Variants in CMYA5 observed in about 807,000 individuals in gnomAD.
CMYA5 encodes the protein cardiomyopathy-associated protein 5.
Under a neutral mutation model 318.9 loss-of-function variants are expected in CMYA5, and 246 were observed. That is an observed-to-expected ratio of 0.77 (90% CI 0.70 to 0.86). The LOEUF is 0.86. Among genes scored for constraint, CMYA5 ranks in the 40% least tolerant of loss-of-function variants. The pLI is 0.00. For synonymous variants in CMYA5, 1,641 were observed against 1,729.5 expected (o/e 0.95, Z 1.27); for missense variants, 4,589 against 4,678.2 (o/e 0.98, Z 0.56).
At chr5:79,747,026 C>G in intron 4 of CMYA5, 65 bp from the exon 5 acceptor site, 2 of 946,632 alleles carry the variant, frequency 2.1e-6, no homozygotes, top group Non-Finnish European at 3.2e-6. Context: ...TAATTAGCTT[C>G]TCTCTCTCTT....
rs1309277764 is a variant in CMYA5 at position 79,733,385 on chromosome 5, A to G, written c.4620A>G (p.Lys1540=). ...PLSLWGEIKK[K]ETELPSSQNV... is the part of the protein sequence containing the mutation. ...GCCTATGGGGTGAGATAAAGAAGAAAGAAACTGAACTTCCTTCATCACAAA... is the reference window on the plus strand; with the variant it reads ...GCCTATGGGGTGAGATAAAGAAGAAGGAAACTGAACTTCCTTCATCACAAA... Residue 1540 remains lysine (K), a synonymous_variant, in exon 2 of 13, where the codon AAA becomes AAG. Transcript: ENST00000446378. The G allele has an allele frequency of 6.2e-7, 1 of 1,613,570 alleles. No individual in the cohort carries two copies. Among genetic ancestry groups the G allele is most frequent in the South Asian group, 1.1e-5 (1 of 91,082 alleles).
At chr5:79,722,177 A>G (rs1274267598) in intron 1 of CMYA5, among the ~76,000 whole-genome samples, 2 of 152,260 alleles carry the variant, frequency 1.3e-5, no homozygotes, top group African/African-American at 4.8e-5. Flanking sequence ...ATCCTCATGT[A>G]TTTTGAAATT....
In CMYA5 at chr5:79,799,449, T is replaced by C; in HGVS notation, c.12043T>C (p.Tyr4015His). The change falls in exon 13 of 13, where the codon TAC becomes CAC. Residue 4015 changes from tyrosine (Y) to histidine (H), a missense_variant. Tyr to His is a moderately conservative substitution (Grantham distance 83, BLOSUM62 2). This residue lies in a region of CMYA5 where 2,431 missense variants were observed against 2,495.1 expected (regional missense o/e 0.97). Coordinates refer to ENST00000446378, the MANE Select transcript of CMYA5 (RefSeq NM_153610.5). ...AGCCAGAGTGGGCATCCTGCTGGAC[T>C]ACAACAACCAGAGACTTATCTTCAT... ...RPARVGILLD[Y>H]NNQRLIFINA... 6.2e-7 allele frequency: 1 copy of C among 1,614,014 alleles called. No individual in the cohort carries two copies. The highest frequency in any genetic ancestry group is 8.5e-7 in the Non-Finnish European group (1 of 1,179,886).
At position 79,752,704 on chromosome 5, in the gene CMYA5, T is replaced by A; in HGVS notation, c.11020T>A (p.Ser3674Thr). The A allele has an allele frequency of 6.2e-7, 1 of 1,613,654 alleles. No homozygotes were observed. The highest frequency in any genetic ancestry group is 8.5e-7 in the Non-Finnish European group (1 of 1,179,634). ...GCTTTCTGCAATGGAGAGCACTGCT[T>A]CTTTAGAGAAAATGCCTGCTGCGTT... ...RLLSAMESTA[S>T]LEKMPAAFSL... The change falls in exon 6 of 13, where the codon TCT becomes ACT. Residue 3674 changes from serine (S) to threonine (T), a missense_variant. By Grantham distance (58) the Ser-to-Thr change is moderately conservative (BLOSUM62 1). Transcript: ENST00000446378.
Position 79,736,632 on chromosome 5 carries a change from G to A in CMYA5, c.7867G>A (p.Glu2623Lys), listed in dbSNP as rs1352543764. The A allele has an allele frequency of 3.1e-6, 5 of 1,613,802 alleles. No homozygotes were observed. The highest frequency in any genetic ancestry group is 4.5e-5 in the East Asian group (2 of 44,878). Residue 2623 changes from glutamate to lysine, a missense_variant, in exon 2 of 13, where the codon GAA becomes AAA. Physicochemically the swap from Glu to Lys is moderately conservative, Grantham distance 56. Transcript: ENST00000446378. ...AGTAGGAACCCAACCACATCCTTTA[G>A]AAGAAAGTAAAGTTTTGGTGGAGAA... ...KAVGTQPHPL[E>K]ESKVLVEKTK...
At position 79,736,881 on chromosome 5, in the gene CMYA5, C is replaced by T. The variant is rs922549310; in HGVS notation, c.8116C>T (p.Gln2706Ter). 6 of 1,612,020 alleles carry T rather than the reference C, an allele frequency of 3.7e-6. No homozygotes were observed. In the Admixed American group the frequency reaches 1.0e-4, roughly 27 times the overall value. The part of the protein sequence containing the change: ...QGFQEKAVGT[Q>*]PRPLEESKVL... Reference sequence around the variant, plus strand: ...ATTTCAAGAAAAGGCAGTAGGAACCCAACCACGTCCTTTAGAAGAAAGTAA... The same window carrying T: ...ATTTCAAGAAAAGGCAGTAGGAACCTAACCACGTCCTTTAGAAGAAAGTAA... The change falls in exon 2 of 13, where the codon CAA becomes TAA. Residue 2706 changes from glutamine (Q) to a stop codon, truncating the protein, a stop_gained. Transcript: ENST00000446378. LOFTEE classifies it high-confidence loss of function.
chr5:79,732,675 A>G lies in CMYA5; in HGVS notation c.3910A>G (p.Lys1304Glu). 6.2e-7 allele frequency: 1 copy of G among 1,613,502 alleles called. No homozygotes were observed. Among genetic ancestry groups the G allele is most frequent in the Non-Finnish European group, 8.5e-7 (1 of 1,179,738 alleles). The change falls in exon 2 of 13, where the codon AAA becomes GAA. Residue 1304 changes from lysine to glutamate, a missense_variant. By Grantham distance (56) the Lys-to-Glu change is moderately conservative. Transcript: ENST00000446378. Reference protein sequence around the residue: ...EALSAVKMEMKHDSKITTTPI... With the variant: ...EALSAVKMEMEHDSKITTTPI... ...TTTATCAGCAGTGAAAATGGAGATG[A>G]AACATGATTCCAAAATAACAACTAC...
chr5:79,715,681 A>G (rs568655529), intron 1 of CMYA5, among the ~76,000 whole-genome samples: 1 of 152,168 alleles, frequency 6.6e-6, no homozygotes, highest in East Asian at 1.9e-4. Flanking sequence ...CTGTTAGCAG[A>G]TGGTAACAGA....
At position 79,734,471 on chromosome 5, in the gene CMYA5, G is replaced by C; in HGVS notation, c.5706G>C (p.Val1902=). Residue 1902 remains valine (V), a synonymous_variant, in exon 2 of 13, where the codon GTG becomes GTC. Coordinates refer to ENST00000446378, the MANE Select transcript of CMYA5 (RefSeq NM_153610.5). ...ENWMLGKPEN[V]ASQHEQRIAG... ...GGATGTTGGGAAAGCCAGAAAATGTGGCTAGTCAACACGAACAGAGAATAG... is the reference window on the plus strand; with the variant it reads ...GGATGTTGGGAAAGCCAGAAAATGTCGCTAGTCAACACGAACAGAGAATAG... The C allele has an allele frequency of 6.2e-7, 1 of 1,613,644 alleles. No homozygotes were observed. Among genetic ancestry groups the C allele is most frequent in the South Asian group, 1.1e-5 (1 of 91,040 alleles).
chr5:79,745,289 C>T lies in CMYA5; in HGVS notation c.10802C>T (p.Ala3601Val). ...QNEEMMKKVLAQYDEKAQSFE... is the reference protein window; with the variant it reads ...QNEEMMKKVLVQYDEKAQSFE... ...GAGGAAATGATGAAGAAGGTTTTAG[C>T]ACAGTATGATGAGAAAGCCCAGAGC... Residue 3601 changes from alanine (A) to valine (V), a missense_variant, in exon 4 of 13, where the codon GCA becomes GTA. By Grantham distance (64) the Ala-to-Val change is moderately conservative. Transcript: ENST00000446378. 1 of 1,612,978 alleles carries T rather than the reference C, an allele frequency of 6.2e-7. No homozygotes were observed. Among genetic ancestry groups the T allele is most frequent in the Non-Finnish European group, 8.5e-7 (1 of 1,179,412 alleles).
At chr5:79,769,978 C>A (rs1828823974) in intron 9 of CMYA5, among the ~76,000 whole-genome samples, 1 of 152,206 alleles carries the variant, frequency 6.6e-6, no homozygotes, top group Non-Finnish European at 1.5e-5. Context: ...GGGCTGCTAC[C>A]TTTCTTTCAG....
At chr5:79,726,316 T>C (rs967409310) in intron 1 of CMYA5, among the ~76,000 whole-genome samples, 1 of 152,214 alleles carries the variant, frequency 6.6e-6, no homozygotes, top group Non-Finnish European at 1.5e-5. Flanking sequence ...CCCAGATGCA[T>C]GTCATAACCT....
chr5:79,736,652 G>A lies in CMYA5; in HGVS notation c.7887G>A (p.Val2629=), dbSNP rs747228771. Residue 2629 remains valine (V), a synonymous_variant, in exon 2 of 13, where the codon GTG becomes GTA. Coordinates refer to ENST00000446378, the MANE Select transcript of CMYA5 (RefSeq NM_153610.5). The stretch of plus-strand genomic sequence containing the variant: ...CTTTAGAAGAAAGTAAAGTTTTGGT[G>A]GAGAAAACCAAGACTTTCCTGCCGG... ...PHPLEESKVL[V]EKTKTFLPVA... 3.1e-6 allele frequency: 5 copies of A among 1,613,678 alleles called. No homozygotes were observed. The South Asian group carries it at 5.5e-5, about 18-fold the overall frequency.
intron 1 of CMYA5, among the ~76,000 whole-genome samples, chr5:79,715,293 A>ATT (rs11375343): frequency 4.5e-4 from 68 of 149,554 alleles, no homozygotes; most frequent in Non-Finnish European, 6.5e-4. Flanking sequence ...AATAATAATA[A>ATT]TTTTTTTTTT....
intron 9 of CMYA5, among the ~76,000 whole-genome samples, chr5:79,786,904 A>T (rs1371379221): frequency 4.6e-5 from 7 of 152,210 alleles, no homozygotes; most frequent in Admixed American, 4.6e-4. Context: ...TCACAGATTC[A>T]ATGAGGACAT....
In CMYA5 at chr5:79,733,683, G is replaced by T; in HGVS notation, c.4918G>T (p.Glu1640Ter). The T allele has an allele frequency of 6.2e-7, 1 of 1,613,872 alleles. No homozygotes were observed. Among genetic ancestry groups the T allele is most frequent in the South Asian group, 1.1e-5 (1 of 91,082 alleles). ...QPLELPNAGS[E>*]FSSDLGRQSG... ...GTTGGAATTACCAAATGCTGGGTCA[G>T]AATTTTCTAGTGATTTAGGTAGACA... Residue 1640 changes from glutamate to a stop codon, truncating the protein, a stop_gained, in exon 2 of 13, where the codon GAA becomes TAA. Coordinates refer to ENST00000446378, the MANE Select transcript of CMYA5 (RefSeq NM_153610.5). LOFTEE classifies it high-confidence loss of function.
At chr5:79,744,033 G>GA in intron 3 of CMYA5, 111 bp downstream of exon 3, 1 of 551,838 alleles carries the variant, frequency 1.8e-6, no homozygotes, top group East Asian at 3.1e-5. Context: ...TGTGTTGTTT[G>GA]CCATTGTTGG....
Position 79,689,965 on chromosome 5 carries a change from G to A in CMYA5, c.58G>A (p.Glu20Lys), listed in dbSNP as rs1399653615. Residue 20 changes from glutamate (E) to lysine (K), a missense_variant, in exon 1 of 13, where the codon GAG (glutamate) becomes AAG (lysine). By Grantham distance (56) the Glu-to-Lys change is moderately conservative. Around this residue, in one of 3 missense-constraint regions of CMYA5, gnomAD observed 2,132 missense variants for 2,131.3 expected, o/e 1.00. Transcript: ENST00000446378. Reference protein sequence around the residue: ...GESFLGSDGDEEATRELETEE... With the variant: ...GESFLGSDGDKEATRELETEE... ...GAGCTTTCTCGGCTCCGACGGGGAC[G>A]AGGAGGCGACCCGGGAGCTGGAGAC... is the stretch of plus-strand genomic sequence containing the variant. 1.9e-5 allele frequency: 23 copies of A among 1,241,542 alleles called. No homozygotes were observed. The highest frequency in any genetic ancestry group is 8.0e-5 in the Admixed American group (4 of 49,690). The allele number at this position is 1,241,542 out of a possible 1,614,324, so 76.9% of individuals were successfully genotyped here.
intron 10 of CMYA5, 85 bp from the exon 11 acceptor site, chr5:79,790,885 C>A (rs1011896854): frequency 1.2e-6 from 1 of 849,726 alleles, no homozygotes; most frequent in South Asian, 1.5e-5. Context: ...GGGAAAGAGT[C>A]TAGGGTCTGA....
Sources: gnomAD v4.1 joint callset for allele counts (sites outside exome capture counted in the v4.1 genomes callset) on GRCh38, gnomAD v4.1.1 for gene constraint, gnomAD v4.1.1 regional missense constraint, MANE v1.5 for transcripts, NCBI Gene and HGNC (gene_info 2026-07-23, HGNC 2026-07-21) for gene names.